Variants in USH2A observed in about 807,000 individuals in gnomAD.
USH2A encodes the protein Usher syndrome 2A (autosomal recessive, mild).
USH2A carries 443 observed loss-of-function variants against 538.9 expected under a neutral mutation model. The observed-to-expected ratio is 0.82, with a 90% CI of 0.76 to 0.89. USH2A has a LOEUF of 0.89. Ranked by LOEUF, USH2A falls within the 40% of genes least tolerant of loss-of-function variation. The probability of loss-of-function intolerance (pLI) is 0.00; values close to 1 mark genes in which losing one functional copy is unlikely to be tolerated. For missense variants in USH2A, 6,633 were observed against 6,324.8 expected (o/e 1.05, Z -1.65); for synonymous variants, 2,413 against 2,273.5 (o/e 1.06, Z -1.75).
At chr1:215,759,121 C>T (rs1660900003) in intron 57 of USH2A, among the ~76,000 whole-genome samples, 1 of 152,152 alleles carries the variant, frequency 6.6e-6, no homozygotes, top group Non-Finnish European at 1.5e-5. Flanking sequence ...AATTGATCTG[C>T]TATTCCTTAC....
At chr1:216,228,680 C>T (rs1004821745) in intron 14 of USH2A, among the ~76,000 whole-genome samples, 5 of 152,118 alleles carry the variant, frequency 3.3e-5, no homozygotes, top group African/African-American at 1.2e-4. Flanking sequence ...CCGTAAACTT[C>T]TTTCTTTTGT....
intron 4 of USH2A, among the ~76,000 whole-genome samples, chr1:216,335,637 T>C (rs1243756988): frequency 1.3e-5 from 2 of 151,620 alleles, no homozygotes; most frequent in East Asian, 3.9e-4. Context: ...TAAGGGATAC[T>C]ATGAACAACT....
intron 32 of USH2A, among the ~76,000 whole-genome samples, chr1:216,045,251 C>T (rs927298615): frequency 1.3e-5 from 2 of 152,032 alleles, no homozygotes; most frequent in Non-Finnish European, 2.9e-5. Context: ...GAGTCACATA[C>T]AGTATATAAA....
At chr1:215,889,728 A>G (rs1476918964) in intron 40 of USH2A, among the ~76,000 whole-genome samples, 1 of 152,228 alleles carries the variant, frequency 6.6e-6, no homozygotes, top group Admixed American at 6.5e-5. Flanking sequence ...AACTGATTCA[A>G]TTATCATAAA....
chr1:215,759,638 G>T, intron 57 of USH2A, 22 bp downstream of exon 57: 2 of 1,613,612 alleles, frequency 1.2e-6, no homozygotes, highest in African/African-American at 1.3e-5. Context: ...TGTATGATTG[G>T]TAAAGTTTTC....
chr1:215,824,965 A>G (rs1280212086), intron 47 of USH2A, among the ~76,000 whole-genome samples: 1 of 152,048 alleles, frequency 6.6e-6, no homozygotes, highest in Non-Finnish European at 1.5e-5. Context: ...GTTCTGGGAT[A>G]TTGCTGTGAT....
At position 215,900,143 on chromosome 1, in the gene USH2A, C is replaced by T. The variant is rs781229974; in HGVS notation, c.7526G>A (p.Arg2509Gln). Residue 2509 changes from arginine (R) to glutamine (Q), a missense_variant, in exon 40 of 72, where the codon CGG becomes CAG. Arg to Gln is a conservative substitution (Grantham distance 43). Coordinates refer to ENST00000307340, the MANE Select transcript of USH2A (RefSeq NM_206933.4). The stretch of plus-strand genomic sequence containing the variant: ...GCCAAATCCATTGGAGGCAACCAAC[C>T]GAAACATATACTCTGTGTACGGTTG... The part of the protein sequence containing the change: ...DLQPYTEYMF[R>Q]LVASNGFGSA... 38 of 1,613,738 alleles carry T rather than the reference C, an allele frequency of 2.4e-5. No homozygotes were observed. Among genetic ancestry groups the T allele is most frequent in the Middle Eastern group, 1.7e-4 (1 of 6,060 alleles).
chr1:215,873,255 A>T (rs1664669947), intron 43 of USH2A, among the ~76,000 whole-genome samples: 1 of 152,206 alleles, frequency 6.6e-6, no homozygotes, highest in African/African-American at 2.4e-5. Flanking sequence ...GTTGGCTTTC[A>T]TTCTTAGACT....
intron 20 of USH2A, among the ~76,000 whole-genome samples, chr1:216,184,356 A>T (rs1349735070): frequency 2.0e-5 from 3 of 151,962 alleles, no homozygotes; most frequent in Non-Finnish European, 1.5e-5. Flanking sequence ...CCTCAGATTC[A>T]TGAGTCCATA....
chr1:215,888,324 A>G (rs1665116942), intron 41 of USH2A, 102 bp downstream of exon 41: 10 of 1,569,630 alleles, frequency 6.4e-6, no homozygotes, highest in Non-Finnish European at 7.8e-6. Context: ...GCCTAAAACA[A>G]CAAATGCGTT....
chr1:215,754,450 A>C (rs1571652382), intron 58 of USH2A, among the ~76,000 whole-genome samples: 1 of 152,270 alleles, frequency 6.6e-6, no homozygotes, highest in African/African-American at 2.4e-5. Flanking sequence ...AAGTAACCAC[A>C]TAGACATTTT....
intron 34 of USH2A, among the ~76,000 whole-genome samples, 195 bp downstream of exon 34, chr1:215,998,692 T>C (rs1668192371): frequency 6.6e-6 from 1 of 151,972 alleles, no homozygotes; most frequent in East Asian, 1.9e-4. Flanking sequence ...ATTTGCATAA[T>C]ATAAAATAAA....
chr1:215,702,485 T>A (rs931069282), intron 61 of USH2A, among the ~76,000 whole-genome samples: 1 of 152,158 alleles, frequency 6.6e-6, no homozygotes, highest in Admixed American at 6.5e-5. Context: ...TCTTTTCACA[T>A]AGCCCCATAT....
intron 44 of USH2A, among the ~76,000 whole-genome samples, chr1:215,847,191 G>T (rs899541436): frequency 3.9e-5 from 6 of 152,094 alleles, no homozygotes; most frequent in African/African-American, 1.4e-4. Flanking sequence ...TTTAACAAGA[G>T]AACATGAAAA....
intron 14 of USH2A, among the ~76,000 whole-genome samples, chr1:216,228,342 C>T (rs1479498083): frequency 6.6e-6 from 1 of 151,884 alleles, no homozygotes; most frequent in Non-Finnish European, 1.5e-5. Flanking sequence ...AAATAGAATC[C>T]CTCTGAAAAG....
intron 36 of USH2A, among the ~76,000 whole-genome samples, chr1:215,968,452 A>T (rs1475233291): frequency 1.3e-5 from 2 of 152,182 alleles, no homozygotes; most frequent in Non-Finnish European, 2.9e-5. Context: ...ATTAGAAAAA[A>T]AAATGAGCTA....
At chr1:216,403,737 T>G (rs1175533245) in intron 3 of USH2A, among the ~76,000 whole-genome samples, 4 of 152,146 alleles carry the variant, frequency 2.6e-5, no homozygotes, top group African/African-American at 9.6e-5. Context: ...ATGTATGATA[T>G]AGTTTGGCTG....
In USH2A at chr1:216,422,414, T is replaced by C. The variant is rs2039695356; in HGVS notation, c.-78A>G. ...GGCCCACGCCACTTGCCAGCAATACTTTGAAGCAGGGTACTTTAAGTGATG... is the reference window on the plus strand; with the variant it reads ...GGCCCACGCCACTTGCCAGCAATACCTTGAAGCAGGGTACTTTAAGTGATG... On this transcript the variant is annotated 5_prime_UTR_variant, in exon 2 of 72. Transcript: ENST00000307340. 2 of 1,597,982 alleles carry C rather than the reference T, an allele frequency of 1.3e-6. No individual in the cohort carries two copies. Among genetic ancestry groups the C allele is most frequent in the Admixed American group, 3.4e-5 (2 of 59,182 alleles).
At chr1:216,050,604 CTTTTT>C (rs746265112) in intron 30 of USH2A, among the ~76,000 whole-genome samples, 17 of 68,576 alleles carry the variant, frequency 2.5e-4, no homozygotes, top group South Asian at 2.1e-3. Flanking sequence ...TTCTTTCTTT[CTTTTT>C]TTTTTTTTTT....
Sources: gnomAD v4.1 joint callset for allele counts (sites outside exome capture counted in the v4.1 genomes callset) on GRCh38, gnomAD v4.1.1 for gene constraint, MANE v1.5 for transcripts, NCBI Gene and HGNC (gene_info 2026-07-23, HGNC 2026-07-21) for gene names.